The following TTC28 variants were observed in gnomAD, a reference collection of about 807,000 sequenced individuals.
TTC28 encodes tetratricopeptide repeat protein 28.
TTC28 carries 61 observed loss-of-function variants against 198.0 expected under a neutral mutation model. The ratio of observed to expected loss-of-function variants is 0.31; its 90% confidence interval spans 0.25 to 0.38. The LOEUF is 0.38. Among genes scored for constraint, TTC28 ranks in the 10% least tolerant of loss-of-function variants. The pLI, the probability that TTC28 is intolerant of heterozygous loss-of-function variation, is 1.00. For missense variants in TTC28, 2,678 were observed against 3,164.0 expected (o/e 0.85, Z 3.69); for synonymous variants, 1,171 against 1,297.8 (o/e 0.90, Z 2.10).
intron 2 of TTC28, among the ~76,000 whole-genome samples, chr22:28,363,113 G>T (rs2046184802): frequency 6.6e-6 from 1 of 152,212 alleles, no homozygotes; most frequent in Admixed American, 6.5e-5. Context: ...GCATGTCAGA[G>T]TCTTCATGGC....
chr22:28,449,128 C>T (rs764219917), intron 2 of TTC28, among the ~76,000 whole-genome samples: 2 of 152,138 alleles, frequency 1.3e-5, no homozygotes, highest in Non-Finnish European at 2.9e-5. Flanking sequence ...GCTAGAAGAA[C>T]GAGAATAATT....
chr22:28,168,151 A>G (rs1922235784), intron 5 of TTC28, among the ~76,000 whole-genome samples: 1 of 152,228 alleles, frequency 6.6e-6, no homozygotes, highest in African/African-American at 2.4e-5. Flanking sequence ...ACTACAAACC[A>G]CTGCTCAATG....
At chr22:28,166,898 A>T (rs1400638154) in intron 5 of TTC28, among the ~76,000 whole-genome samples, 1 of 152,224 alleles carries the variant, frequency 6.6e-6, no homozygotes, top group African/African-American at 2.4e-5. Flanking sequence ...GTTTTTGAAA[A>T]GATCAACAAA....
chr22:28,533,855 A>G (rs554413673), intron 2 of TTC28, among the ~76,000 whole-genome samples: 1 of 152,262 alleles, frequency 6.6e-6, no homozygotes, highest in Non-Finnish European at 1.5e-5. Context: ...CGGACTAGCC[A>G]TATGTAGAAA....
At chr22:28,540,531 G>C (rs986378122) in intron 2 of TTC28, among the ~76,000 whole-genome samples, 2 of 152,112 alleles carry the variant, frequency 1.3e-5, no homozygotes. Context: ...ATAAAACACT[G>C]TTAGAGTATA....
rs573060422 is a variant in TTC28, at chr22:28,133,621, G to T, written c.1442-25218C>A. ...CAGAGCCTCCCTCATTGCTAGCACA[G>T]CAGTCTGAGATCAAACTGCAAGGCA... On this transcript the variant is annotated intron_variant, in intron 6 of 22. Coordinates refer to ENST00000397906, the MANE Select transcript of TTC28 (RefSeq NM_001145418.2). Among the ~76,000 whole-genome samples, 4 of 152,310 alleles carry T rather than the reference G, an allele frequency of 2.6e-5. No homozygotes were observed. In the South Asian group the frequency reaches 6.2e-4, roughly 24 times the overall value.
chr22:28,280,658 C>T (rs2044567159), intron 5 of TTC28, among the ~76,000 whole-genome samples: 1 of 152,066 alleles, frequency 6.6e-6, no homozygotes, highest in Admixed American at 6.6e-5. Flanking sequence ...TTATATTTAC[C>T]AACATATTTA....
In TTC28 at chr22:28,243,063, C is replaced by T. The variant is rs1321162409; in HGVS notation, c.933+53135G>A. Among the ~76,000 whole-genome samples the T allele has an allele frequency of 6.7e-5, 10 of 149,074 alleles. No individual in the cohort carries two copies. The East Asian group carries it at 1.6e-3, about 23-fold the overall frequency. On this transcript the variant is annotated intron_variant, in intron 5 of 22. Transcript: ENST00000397906. ...AAAAAAAAAAAAAAACTGGGCCAGG[C>T]GCAGTGGCTCACACCTCTAATCCCA...
chr22:28,291,102 A>G (rs908279530), intron 5 of TTC28, among the ~76,000 whole-genome samples: 6 of 152,176 alleles, frequency 3.9e-5, no homozygotes, highest in Non-Finnish European at 7.3e-5. Context: ...TAATATGTAA[A>G]TTCAATATAA....
intron 2 of TTC28, among the ~76,000 whole-genome samples, chr22:28,476,039 A>G (rs1242376595): frequency 6.6e-6 from 1 of 152,232 alleles, no homozygotes; most frequent in East Asian, 1.9e-4. Flanking sequence ...CTTTTAAAAT[A>G]TAATACTTGA....
intron 12 of TTC28, among the ~76,000 whole-genome samples, chr22:28,059,832 T>A (rs1157115198): frequency 6.6e-6 from 1 of 151,946 alleles, no homozygotes; most frequent in Non-Finnish European, 1.5e-5. Flanking sequence ...CTTGGTATTA[T>A]TAAATATTAA....
At chr22:28,025,062 G>A (rs938835653) in intron 13 of TTC28, among the ~76,000 whole-genome samples, 23 of 152,200 alleles carry the variant, frequency 1.5e-4, no homozygotes, top group African/African-American at 5.3e-4. Flanking sequence ...CAGGGCTATA[G>A]CTGTAGCTGA....
chr22:28,416,596 C>G (rs2047170809), intron 2 of TTC28, among the ~76,000 whole-genome samples: 1 of 152,154 alleles, frequency 6.6e-6, no homozygotes, highest in Admixed American at 6.5e-5. Context: ...TTATGTCTAT[C>G]AATCTTACTG....
chr22:28,672,324 T>C (rs1025701252), intron 1 of TTC28, among the ~76,000 whole-genome samples: 1 of 152,080 alleles, frequency 6.6e-6, no homozygotes. Flanking sequence ...CCTGCCACCA[T>C]GCACAGCTAC....
chr22:28,549,059 G>A (rs1364430778), intron 2 of TTC28, among the ~76,000 whole-genome samples: 4 of 150,512 alleles, frequency 2.7e-5, no homozygotes, highest in Admixed American at 1.3e-4. Context: ...ATGGAGTCTC[G>A]CTCTGTCACC....
intron 2 of TTC28, among the ~76,000 whole-genome samples, chr22:28,573,442 G>A (rs984452088): frequency 6.6e-6 from 1 of 151,724 alleles, no homozygotes; most frequent in Non-Finnish European, 1.5e-5. Flanking sequence ...GACAGAGCGA[G>A]ATTCTGTCTC....
chr22:28,642,717 G>T (rs1355353925), intron 1 of TTC28, among the ~76,000 whole-genome samples: 11 of 152,242 alleles, frequency 7.2e-5, no homozygotes, highest in African/African-American at 2.7e-4. Flanking sequence ...AAAGAGGTCA[G>T]TGTGAAAGAG....
intron 19 of TTC28, among the ~76,000 whole-genome samples, 192 bp from the exon 20 acceptor site, chr22:27,991,004 G>A (rs1320711812): frequency 6.6e-6 from 1 of 152,152 alleles, no homozygotes; most frequent in Admixed American, 6.5e-5. Flanking sequence ...GCCACACCCA[G>A]GCCAGCCGCG....
intron 9 of TTC28, among the ~76,000 whole-genome samples, chr22:28,100,726 C>T (rs1187706738): frequency 6.6e-6 from 1 of 152,146 alleles, no homozygotes; most frequent in South Asian, 2.1e-4. Flanking sequence ...GCCTATAACT[C>T]GAGGGATCTT....
Sources: gnomAD v4.1 joint callset for allele counts (sites outside exome capture counted in the v4.1 genomes callset) on GRCh38, gnomAD v4.1.1 for gene constraint, MANE v1.5 for transcripts, NCBI Gene and HGNC (gene_info 2026-07-23, HGNC 2026-07-21) for gene names.